SLCO1B3: variants seen among roughly 807,000 people sequenced by gnomAD.
SLCO1B3 encodes liver-specific organic anion transporter 2.
SLCO1B3 carries 72 observed loss-of-function variants against 71.8 expected under a neutral mutation model. The observed-to-expected ratio is 1.00, with a 90% CI of 0.83 to 1.22. SLCO1B3 has a LOEUF of 1.22. SLCO1B3 is among the 50% of genes most tolerant of loss of function. The pLI is 0.00. For synonymous variants in SLCO1B3, 298 were observed against 278.4 expected (o/e 1.07, Z -0.70); for missense variants, 911 against 819.7 (o/e 1.11, Z -1.36).
chr12:20,898,503 A>G lies in SLCO1B3; in HGVS notation c.1747+3A>G, dbSNP rs533193038. On this transcript the variant is annotated splice_donor_region_variant and intron_variant, in intron 14 of 15. Coordinates refer to ENST00000381545, the MANE Select transcript of SLCO1B3 (RefSeq NM_019844.4). ...GTCAATGGTTATAAGAACACTAGGT[A>G]TGACAAATATATAGATTATACATTT... 5.2e-5 allele frequency: 77 copies of G among 1,467,392 alleles called. 1 individual carries two copies. The South Asian group carries it at 7.8e-4, about 15-fold the overall frequency. The allele number at this position is 1,467,392 out of a possible 1,614,324, so 90.9% of individuals were successfully genotyped here.
At chr12:20,850,535 G>T (rs1865005808) in intron 3 of SLCO1B3, among the ~76,000 whole-genome samples, 1 of 152,076 alleles carries the variant, frequency 6.6e-6, no homozygotes, top group South Asian at 2.1e-4. Flanking sequence ...ACCCGCCTCG[G>T]CCTCCCAAAG....
chr12:20,830,467 T>TA (rs1341574881), intron 3 of SLCO1B3, among the ~76,000 whole-genome samples: 1 of 152,108 alleles, frequency 6.6e-6, no homozygotes, highest in Admixed American at 6.6e-5. Context: ...AGCAGGTAGG[T>TA]AAATAGTCAA....
In SLCO1B3 at chr12:20,912,725, T is replaced by C. The variant is rs375615530; in HGVS notation, c.1866-3279T>C. Among the ~76,000 whole-genome samples the C allele has an allele frequency of 3.3e-5, 5 of 151,980 alleles. No individual in the cohort carries two copies. The East Asian group carries it at 9.7e-4, about 29-fold the overall frequency. ...TTTTAGTAGAGATGGGGTTTCACCA[T>C]GTTGGCCAGGATGGTCTCAATCTCT... On this transcript the variant is annotated intron_variant, in intron 15 of 15. Transcript: ENST00000381545.
In SLCO1B3 at chr12:20,880,804, C is replaced by G. The variant is rs752949785; in HGVS notation, c.1332-51C>G. ...CCCTTGTCTCCCTCTTCTGCTCTTT[C>G]TCTACTTCCTCTTTCTCTTTTTTTG... On this transcript the variant is annotated intron_variant, in intron 11 of 15. Transcript: ENST00000381545. The G allele has an allele frequency of 1.3e-5, 17 of 1,336,686 alleles. No individual in the cohort carries two copies. The African/African-American group carries it at 1.5e-4, about 12-fold the overall frequency. The allele number at this position is 1,336,686 out of a possible 1,614,324, so 82.8% of individuals were successfully genotyped here. A position where few individuals can be genotyped will look rare whatever the true frequency, so the allele number is the denominator to read the frequency against.
At chr12:20,906,279 G>A (rs561992654) in intron 15 of SLCO1B3, among the ~76,000 whole-genome samples, 15 of 152,306 alleles carry the variant, frequency 9.8e-5, no homozygotes, top group East Asian at 9.6e-4. Context: ...TTTTAACTGC[G>A]TGATCTTGTA....
intron 1 of SLCO1B3, among the ~76,000 whole-genome samples, chr12:20,812,844 G>A (rs1775982437): frequency 6.7e-6 from 1 of 149,184 alleles, no homozygotes; most frequent in African/African-American, 2.4e-5. Context: ...AAAGCTGAAG[G>A]AAGACTATCT....
chr12:20,879,621 A>G lies in SLCO1B3; in HGVS notation c.1321A>G (p.Thr441Ala). ...ESKSVAGLTL[T>A]YDGNNSVASH... ...CAAATCAGTTGCCGGCCTAACCTTGACCTATGATGGGTTTGTATATATTGC... is the reference window on the plus strand; with the variant it reads ...CAAATCAGTTGCCGGCCTAACCTTGGCCTATGATGGGTTTGTATATATTGC... The change falls in exon 11 of 16, where the codon ACC becomes GCC. Residue 441 changes from threonine (T) to alanine (A), a missense_variant. Coordinates refer to ENST00000381545, the MANE Select transcript of SLCO1B3 (RefSeq NM_019844.4). 6.2e-7 allele frequency: 1 copy of G among 1,605,708 alleles called. No homozygotes were observed. The highest frequency in any genetic ancestry group is 8.5e-7 in the Non-Finnish European group (1 of 1,174,622).
rs559662228 is a variant in SLCO1B3, at chr12:20,816,168, G to A, written c.84+346G>A. 5.9e-5 allele frequency among the ~76,000 whole-genome samples: 9 copies of A among 152,144 alleles called. No individual in the cohort carries two copies. In the East Asian group the frequency reaches 7.7e-4, roughly 13 times the overall value. Reference sequence around the variant, plus strand: ...GAAATAAGCAAATAATGAACAATGCGGCATCCATTTCCTCAAGCATTTTTT... The same window carrying A: ...GAAATAAGCAAATAATGAACAATGCAGCATCCATTTCCTCAAGCATTTTTT... On this transcript the variant is annotated intron_variant, in intron 3 of 15. Transcript: ENST00000381545.
intron 10 of SLCO1B3, 52 bp downstream of exon 10, chr12:20,877,988 C>A: frequency 8.5e-7 from 1 of 1,178,290 alleles, no homozygotes; most frequent in Admixed American, 2.4e-5. Flanking sequence ...CTGCTGAGTA[C>A]TTGTGTTCCA....
At chr12:20,896,015 C>T (rs564591341) in intron 13 of SLCO1B3, among the ~76,000 whole-genome samples, 2 of 152,324 alleles carry the variant, frequency 1.3e-5, no homozygotes, top group African/African-American at 4.8e-5. Flanking sequence ...CTACATTGGT[C>T]CCTTTCAGCC....
At chr12:20,883,678 T>C (rs75059132) in intron 13 of SLCO1B3, 76 bp downstream of exon 13, 44 of 960,660 alleles carry the variant, frequency 4.6e-5, no homozygotes, top group Middle Eastern at 5.5e-4. Context: ...TTTTTCTGTA[T>C]TTTGAGCTCA....
At chr12:20,853,781 G>A (rs4387401) in intron 3 of SLCO1B3, among the ~76,000 whole-genome samples, 109,627 of 151,318 alleles carry the variant, frequency 0.72, 42,288 homozygotes, top group South Asian at 0.9. Flanking sequence ...GTTTGTTTTT[G>A]TTTTCCTGGT....
At chr12:20,835,547 G>T (rs1240951089) in intron 3 of SLCO1B3, among the ~76,000 whole-genome samples, 1 of 152,098 alleles carries the variant, frequency 6.6e-6, no homozygotes, top group African/African-American at 2.4e-5. Flanking sequence ...GCAAAATTCT[G>T]CCAGTCTCTT....
chr12:20,910,790 T>A (rs1866357695), intron 15 of SLCO1B3, among the ~76,000 whole-genome samples: 1 of 152,190 alleles, frequency 6.6e-6, no homozygotes, highest in Non-Finnish European at 1.5e-5. Flanking sequence ...ACTTTTCACT[T>A]TGGCATATTA....
Position 20,815,763 on chromosome 12 carries a change from A to G in SLCO1B3, c.25A>G (p.Lys9Glu). The G allele has an allele frequency of 1.9e-6, 3 of 1,597,424 alleles. No homozygotes were observed. Among genetic ancestry groups the G allele is most frequent in the Non-Finnish European group, 2.6e-6 (3 of 1,170,082 alleles). ...AATGGACCAACATCAACATTTGAAT[A>G]AAACAGCAGAGTCAGCATCTTCAGA... The part of the protein sequence containing the change: MDQHQHLN[K>E]TAESASSEKK... The change falls in exon 3 of 16, where the codon AAA becomes GAA. Residue 9 changes from lysine (K) to glutamate (E), a missense_variant. Physicochemically the swap from Lys to Glu is moderately conservative, Grantham distance 56. Transcript: ENST00000381545.
chr12:20,912,924 G>A (rs1866414696), intron 15 of SLCO1B3, among the ~76,000 whole-genome samples: 2 of 148,526 alleles, frequency 1.3e-5, no homozygotes, highest in South Asian at 4.3e-4. Context: ...TGATCTGCCT[G>A]CCTTGGCCTC....
rs201302841 is a variant in SLCO1B3 at position 20,890,238 on chromosome 12, AAT to A, written c.1682+6637_1682+6638del. ...CCAGCCTCATTTCAATTAAAAAAAA[AAT>A]CTGCCTTGATTTCATTATTGACCAA... is the stretch of plus-strand genomic sequence containing the variant. On this transcript the variant is annotated intron_variant, in intron 13 of 15. Transcript: ENST00000381545. Among the ~76,000 whole-genome samples the A allele has an allele frequency of 3.9e-5, 6 of 152,216 alleles. No individual in the cohort carries two copies. In the East Asian group the frequency reaches 1.2e-3, roughly 29 times the overall value.
At chr12:20,866,052 AACCC>A (rs1238373745) in intron 8 of SLCO1B3, among the ~76,000 whole-genome samples, 1 of 152,104 alleles carries the variant, frequency 6.6e-6, no homozygotes, top group Non-Finnish European at 1.5e-5. Context: ...GTAAAAAGTG[AACCC>A]TTGTGTTTTC....
chr12:20,838,300 G>A lies in SLCO1B3; in HGVS notation c.85-16728G>A, dbSNP rs1327773569. On this transcript the variant is annotated intron_variant, in intron 3 of 15. Transcript: ENST00000381545. ...ATTTCTTTTGATTATTGTTAGCATAGAATATTTTTCTCCATCCATTTACTT... is the reference window on the plus strand; with the variant it reads ...ATTTCTTTTGATTATTGTTAGCATAAAATATTTTTCTCCATCCATTTACTT... Among the ~76,000 whole-genome samples the A allele has an allele frequency of 2.0e-5, 3 of 151,632 alleles. No homozygotes were observed. The East Asian group carries it at 5.8e-4, about 29-fold the overall frequency.
Sources: gnomAD v4.1 joint callset for allele counts (sites outside exome capture counted in the v4.1 genomes callset) on GRCh38, gnomAD v4.1.1 for gene constraint, MANE v1.5 for transcripts, NCBI Gene and HGNC (gene_info 2026-07-23, HGNC 2026-07-21) for gene names.